The following KCNJ6 variants were observed in gnomAD, a reference collection of about 807,000 sequenced individuals.
The protein encoded by KCNJ6 is potassium inwardly rectifying channel subfamily J member 6, also known as G protein-activated inward rectifier potassium channel 2.
In KCNJ6, 9 loss-of-function variants were observed where a neutral mutation model predicts 34.2. The observed-to-expected ratio is 0.26, with a 90% confidence interval of 0.16 to 0.46. The LOEUF (loss-of-function observed/expected upper bound fraction) is 0.46. Ranked by LOEUF, KCNJ6 falls within the 20% of genes least tolerant of loss-of-function variation. The probability of loss-of-function intolerance (pLI) is 1.00; values close to 1 mark genes in which losing one functional copy is unlikely to be tolerated. For missense variants in KCNJ6, 236 were observed against 531.3 expected, an observed-to-expected ratio of 0.44 and a Z score of 5.46; for synonymous variants, 196 against 207.1, an observed-to-expected ratio of 0.95 and a Z score of 0.46.
intron 3 of KCNJ6, among the ~76,000 whole-genome samples, chr21:37,648,342 C>A (rs2054415279): frequency 6.6e-6 from 1 of 152,144 alleles, no homozygotes; most frequent in African/African-American, 2.4e-5. Context: ...CACCTGCTGG[C>A]TGAACTCTTG....
chr21:37,644,729 G>A (rs1183596866), intron 3 of KCNJ6, among the ~76,000 whole-genome samples: 1 of 152,098 alleles, frequency 6.6e-6, no homozygotes, highest in Non-Finnish European at 1.5e-5. Flanking sequence ...TTTGCACCTC[G>A]GGAGCCACAT....
intron 2 of KCNJ6, among the ~76,000 whole-genome samples, chr21:37,820,917 C>T (rs1048627992): frequency 8.5e-5 from 13 of 152,202 alleles, no homozygotes; most frequent in Non-Finnish European, 4.4e-5. Context: ...AAATAACCCT[C>T]TGTGTTCAAT....
intron 3 of KCNJ6, among the ~76,000 whole-genome samples, chr21:37,626,452 A>C (rs1162377618): frequency 6.6e-6 from 1 of 152,172 alleles, no homozygotes; most frequent in East Asian, 1.9e-4. Context: ...CTTTTCTTAA[A>C]GATAAGAAGC....
chr21:37,647,503 A>C (rs145396612), intron 3 of KCNJ6, among the ~76,000 whole-genome samples: 73 of 152,236 alleles, frequency 4.8e-4, no homozygotes, highest in East Asian at 3.1e-3. Flanking sequence ...CCATGGAATC[A>C]CTTTTCAGAT....
chr21:37,881,158 G>A (rs2055705732), intron 1 of KCNJ6, among the ~76,000 whole-genome samples: 1 of 152,094 alleles, frequency 6.6e-6, no homozygotes, highest in Admixed American at 6.5e-5. Context: ...CTGTATCAGG[G>A]GCTGAGCCTA....
chr21:37,872,181 G>A (rs1296307600), intron 1 of KCNJ6, among the ~76,000 whole-genome samples: 1 of 152,156 alleles, frequency 6.6e-6, no homozygotes, highest in Admixed American at 6.5e-5. Flanking sequence ...GAGCTTACCT[G>A]GTTAATTCAT....
chr21:37,831,823 G>T (rs1207499433), intron 2 of KCNJ6, among the ~76,000 whole-genome samples: 1 of 152,182 alleles, frequency 6.6e-6, no homozygotes, highest in Non-Finnish European at 1.5e-5. Flanking sequence ...AGGCGGTCTT[G>T]CGGGGAGAGA....
chr21:37,684,972 A>G (rs2054606732), intron 3 of KCNJ6, among the ~76,000 whole-genome samples: 1 of 152,250 alleles, frequency 6.6e-6, no homozygotes, highest in Non-Finnish European at 1.5e-5. Flanking sequence ...CAGGTAAAAT[A>G]CCATTAACAA....
chr21:37,890,417 CCAA>C (rs2055756643), intron 1 of KCNJ6, among the ~76,000 whole-genome samples: 1 of 152,170 alleles, frequency 6.6e-6, no homozygotes, highest in African/African-American at 2.4e-5. Context: ...GGGAACACAG[CCAA>C]ATCACATCAA....
At chr21:37,772,282 A>G (rs2123504451) in intron 2 of KCNJ6, among the ~76,000 whole-genome samples, 1 of 152,346 alleles carries the variant, frequency 6.6e-6, no homozygotes, top group East Asian at 1.9e-4. Context: ...TATTGGTTGC[A>G]CATATTATTA....
chr21:37,793,917 A>T (rs747560956), intron 2 of KCNJ6, among the ~76,000 whole-genome samples: 1 of 152,274 alleles, frequency 6.6e-6, no homozygotes, highest in African/African-American at 2.4e-5. Context: ...TGACACAGGC[A>T]TGATGAAAGT....
At chr21:37,809,268 C>T (rs867945521) in intron 2 of KCNJ6, among the ~76,000 whole-genome samples, 2 of 151,818 alleles carry the variant, frequency 1.3e-5, no homozygotes, top group African/African-American at 4.8e-5. Context: ...AGCAAACTAT[C>T]GCAAGGACAA....
intron 2 of KCNJ6, among the ~76,000 whole-genome samples, chr21:37,716,267 A>G (rs577086706): frequency 4.6e-5 from 7 of 152,220 alleles, no homozygotes; most frequent in South Asian, 2.1e-4. Flanking sequence ...AAGGGTGGGG[A>G]AATGTTCTCT....
chr21:37,823,294 C>T (rs1336148492), intron 2 of KCNJ6, among the ~76,000 whole-genome samples: 1 of 152,186 alleles, frequency 6.6e-6, no homozygotes, highest in Non-Finnish European at 1.5e-5. Context: ...TCACTTGCAA[C>T]AACATGGATG....
intron 2 of KCNJ6, among the ~76,000 whole-genome samples, chr21:37,737,660 G>GTCTGGGGACAGGGTT (rs1383970993): frequency 6.6e-6 from 1 of 152,190 alleles, no homozygotes; most frequent in African/African-American, 2.4e-5. Context: ...CCTGAGTGGT[G>GTCTGGGGACAGGGTT]TCTGGGGACA....
chr21:37,800,102 T>C (rs2055262050), intron 2 of KCNJ6, among the ~76,000 whole-genome samples: 1 of 152,162 alleles, frequency 6.6e-6, no homozygotes, highest in South Asian at 2.1e-4. Context: ...GCTAAAGTCC[T>C]GGAAGAAGTT....
At chr21:37,659,672 T>C (rs2054479437) in intron 3 of KCNJ6, among the ~76,000 whole-genome samples, 2 of 152,150 alleles carry the variant, frequency 1.3e-5, no homozygotes, top group African/African-American at 4.8e-5. Context: ...ATAGCCTCAA[T>C]TTCCCCATCT....
At position 37,713,749 on chromosome 21, in the gene KCNJ6, C is replaced by CTG. The variant is rs1405374518; in HGVS notation, c.946+461_946+462insCA. Among the ~76,000 whole-genome samples the CTG allele has an allele frequency of 9.2e-5, 14 of 152,268 alleles. No individual in the cohort carries two copies. In the East Asian group the frequency reaches 1.9e-3, roughly 21 times the overall value. ...ACTTCATACAAAAGAAAAACCAATGCTATAGGCCTTATAAATGACTCTCAA... is the reference window on the plus strand; with the variant it reads ...ACTTCATACAAAAGAAAAACCAATGCTGTATAGGCCTTATAAATGACTCTCAA... On this transcript the variant is annotated intron_variant, in intron 3 of 3. Transcript: ENST00000609713.
chr21:37,891,034 G>T (rs758504561), intron 1 of KCNJ6, among the ~76,000 whole-genome samples: 3 of 152,138 alleles, frequency 2.0e-5, no homozygotes, highest in Non-Finnish European at 4.4e-5. Flanking sequence ...GATCCTGAGG[G>T]TTTACTCTGA....
Sources: gnomAD v4.1 joint callset for allele counts (sites outside exome capture counted in the v4.1 genomes callset) on GRCh38, gnomAD v4.1.1 for gene constraint, MANE v1.5 for transcripts, NCBI Gene and HGNC (gene_info 2026-07-23, HGNC 2026-07-21) for gene names.